ADAMTS19: variants seen among roughly 807,000 people sequenced by gnomAD.
ADAMTS19 encodes the protein A disintegrin and metalloproteinase with thrombospondin motifs 19.
ADAMTS19 carries 93 observed loss-of-function variants against 153.3 expected under a neutral mutation model. That is an observed-to-expected ratio of 0.61 (90% CI 0.51 to 0.72). The LOEUF (loss-of-function observed/expected upper bound fraction) is 0.72, where lower values mean the gene tolerates loss of function less well. Ranked by LOEUF, ADAMTS19 falls within the 30% of genes least tolerant of loss-of-function variation. The pLI is 0.00. For missense variants in ADAMTS19, 1,482 were observed against 1,552.1 expected (o/e 0.95, Z 0.76); for synonymous variants, 600 against 556.6 (o/e 1.08, Z -1.10).
At position 129,520,318 on chromosome 5, in the gene ADAMTS19, T is replaced by C. The variant is rs74713725; in HGVS notation, c.914-5966T>C. ...AAGCTATTGCTTTGTAGTGCTACCA[T>C]TGCATTTTGTGCATGTGGTGTTACA... On this transcript the variant is annotated intron_variant, in intron 3 of 22. Coordinates refer to ENST00000274487, the MANE Select transcript of ADAMTS19 (RefSeq NM_133638.6). Among the ~76,000 whole-genome samples, 992 of 152,278 alleles carry C rather than the reference T, an allele frequency of 6.5e-3. 15 individuals carry two copies. Among genetic ancestry groups the C allele is most frequent in the East Asian group, 0.024 (125 of 5,180 alleles).
chr5:129,628,355 T>C (rs1752146319), intron 10 of ADAMTS19, among the ~76,000 whole-genome samples: 1 of 151,904 alleles, frequency 6.6e-6, no homozygotes, highest in Non-Finnish European at 1.5e-5. Flanking sequence ...TATTGAGTAC[T>C]AGGCTTAGTA....
intron 16 of ADAMTS19, among the ~76,000 whole-genome samples, chr5:129,675,996 C>T (rs1454029361): frequency 6.6e-6 from 1 of 152,116 alleles, no homozygotes; most frequent in Non-Finnish European, 1.5e-5. Context: ...GATGGCGCCA[C>T]TGCACTCCAA....
In ADAMTS19 at chr5:129,538,814, T is replaced by G. The variant is rs10079129; in HGVS notation, c.1328+10137T>G. 9.8e-3 allele frequency among the ~76,000 whole-genome samples: 1,490 copies of G among 152,286 alleles called. 29 individuals are homozygous for G. Among genetic ancestry groups the G allele is most frequent in the African/African-American group, 0.035 (1,445 of 41,570 alleles). On this transcript the variant is annotated intron_variant, in intron 6 of 22. Transcript: ENST00000274487. The stretch of plus-strand genomic sequence containing the variant: ...AAATGTAGCCTAATATGGTTTTATT[T>G]TCCAAGTAATGCATATTCTCATGGC...
chr5:129,736,936 A>T, intron 22 of ADAMTS19, 131 bp from the exon 23 acceptor site: 1 of 798,818 alleles, frequency 1.3e-6, no homozygotes, highest in African/African-American at 1.8e-5. Context: ...TTTCTTGTTT[A>T]AATTCCAGAA....
chr5:129,573,108 T>G (rs1398971557), intron 7 of ADAMTS19, among the ~76,000 whole-genome samples: 1 of 152,016 alleles, frequency 6.6e-6, no homozygotes, highest in Non-Finnish European at 1.5e-5. Context: ...TGCCAATCCC[T>G]TTTTCTAATC....
intron 7 of ADAMTS19, 90 bp from the exon 8 acceptor site, chr5:129,596,469 A>G (rs190848501): frequency 1.2e-5 from 11 of 880,878 alleles, no homozygotes; most frequent in Middle Eastern, 3.5e-4. Context: ...TAGTCGTGAC[A>G]ACTGCCATTT....
chr5:129,461,007 A>G lies in ADAMTS19; in HGVS notation c.92-95A>G. ...GGTGGTCTCCATTGCATTCAACGCG[A>G]GCGCCCTGTATCTATGGACTGTGAG... On this transcript the variant is annotated intron_variant, in intron 1 of 22. Transcript: ENST00000274487. The surrounding 1 kb of genome is among the most constrained non-coding windows in gnomAD (Gnocchi z 4.6). 4.8e-6 allele frequency: 6 copies of G among 1,253,406 alleles called. No individual in the cohort carries two copies. The highest frequency in any genetic ancestry group is 6.0e-6 in the Non-Finnish European group (6 of 1,000,134). 77.6% of individuals were successfully genotyped at this position (1,253,406 alleles called of 1,614,324 possible).
intron 3 of ADAMTS19, among the ~76,000 whole-genome samples, chr5:129,523,940 C>T (rs182718350): frequency 1.3e-5 from 2 of 152,262 alleles, no homozygotes; most frequent in Admixed American, 6.5e-5. Context: ...CATTGACTTT[C>T]TTCACAGAAT....
At chr5:129,515,747 C>T (rs981492269) in intron 3 of ADAMTS19, among the ~76,000 whole-genome samples, 1 of 151,956 alleles carries the variant, frequency 6.6e-6, no homozygotes, top group Non-Finnish European at 1.5e-5. Context: ...GATAATTTGA[C>T]TTCTTCCTTT....
chr5:129,549,015 G>C (rs948611467), intron 6 of ADAMTS19, among the ~76,000 whole-genome samples: 1 of 112,332 alleles, frequency 8.9e-6, no homozygotes, highest in Admixed American at 1.2e-4. Context: ...ATCACACTCC[G>C]AGTACTGTTG....
intron 10 of ADAMTS19, among the ~76,000 whole-genome samples, chr5:129,625,810 G>T (rs970270358): frequency 6.6e-6 from 1 of 152,008 alleles, no homozygotes; most frequent in African/African-American, 2.4e-5. Context: ...TCACTCTGAT[G>T]GTAGTTTCTT....
rs150307787 is a variant in ADAMTS19, at chr5:129,710,083, A to C, written c.3312+5692A>C. On this transcript the variant is annotated intron_variant, in intron 21 of 22. Transcript: ENST00000274487. ...ACTATCAGCCCATCACCTAGGTATT[A>C]AGCCCTGCATGTATTAGCTATTTAT... Among the ~76,000 whole-genome samples the C allele has an allele frequency of 3.4e-3, 520 of 152,054 alleles. 4 individuals are homozygous for C. The highest frequency in any genetic ancestry group is 0.012 in the African/African-American group (506 of 41,480).
intron 2 of ADAMTS19, among the ~76,000 whole-genome samples, chr5:129,498,798 A>ATT (rs10637813): frequency 0.047 from 6,364 of 134,096 alleles, 275 homozygotes; most frequent in African/African-American, 0.11. Flanking sequence ...CATTCACTCT[A>ATT]TTTTTTTTTT....
In ADAMTS19 at chr5:129,528,636, G is replaced by A. The variant is rs1350968779; in HGVS notation, c.1287G>A (p.Gly429=). The change falls in exon 6 of 23, where the codon GGG becomes GGA. Residue 429 remains glycine (G), a synonymous_variant. Transcript: ENST00000274487. The part of the protein sequence containing the change: ...DIHLEMSTNW[G]EDMTSVDAAI... The stretch of plus-strand genomic sequence containing the variant: ...ATTTAGAGATGTCAACAAACTGGGG[G>A]GAAGACATGACTTCAGTGGATGCAG... 1 of 1,601,386 alleles carries A rather than the reference G, an allele frequency of 6.2e-7. No homozygotes were observed.
chr5:129,695,994 A>G (rs1354068959), intron 19 of ADAMTS19, among the ~76,000 whole-genome samples: 1 of 152,186 alleles, frequency 6.6e-6, no homozygotes, highest in Non-Finnish European at 1.5e-5. Flanking sequence ...AAGAGTAGGT[A>G]TGGGGGAGGG....
rs1217616495 is a variant in ADAMTS19, at chr5:129,735,048, A to T, written c.3429A>T (p.Pro1143=). 1.2e-6 allele frequency: 2 copies of T among 1,611,872 alleles called. No homozygotes were observed. The highest frequency in any genetic ancestry group is 1.7e-4 in the Middle Eastern group (1 of 6,052). Reference sequence around the variant, plus strand: ...CAGAAAAACCTGCAGCATACAGGCCATGCCATCTTCAACCCTGCAATGAGA... The same window carrying T: ...CAGAAAAACCTGCAGCATACAGGCCTTGCCATCTTCAACCCTGCAATGAGA... ...FSSEKPAAYR[P]CHLQPCNEKI... is the part of the protein sequence containing the mutation. The change falls in exon 22 of 23, where the codon CCA becomes CCT. Residue 1143 remains proline (P), a synonymous_variant. Transcript: ENST00000274487.
intron 8 of ADAMTS19, among the ~76,000 whole-genome samples, chr5:129,616,399 G>A (rs893374024): frequency 1.1e-4 from 17 of 151,882 alleles, no homozygotes; most frequent in Admixed American, 9.9e-4. Context: ...AATGTATTCA[G>A]CATAAAAAGC....
intron 10 of ADAMTS19, among the ~76,000 whole-genome samples, chr5:129,625,956 C>A (rs2126988965): frequency 6.6e-6 from 1 of 152,154 alleles, no homozygotes; most frequent in African/African-American, 2.4e-5. Flanking sequence ...AGGTTTTCTT[C>A]TAGGGTTTTT....
At chr5:129,665,402 A>G in intron 15 of ADAMTS19, 97 bp from the exon 16 acceptor site, 2 of 1,035,258 alleles carry the variant, frequency 1.9e-6, no homozygotes, top group South Asian at 3.5e-5. Context: ...TATCATAGCA[A>G]TAACCAAAAC....
Sources: gnomAD v4.1 joint callset for allele counts (sites outside exome capture counted in the v4.1 genomes callset) on GRCh38, gnomAD v4.1.1 for gene constraint, Gnocchi (gnomAD v3.1) non-coding constraint, MANE v1.5 for transcripts, NCBI Gene and HGNC (gene_info 2026-07-23, HGNC 2026-07-21) for gene names.